FOXO3: variants seen among roughly 807,000 people sequenced by gnomAD.
The protein encoded by FOXO3 is forkhead box O3.
FOXO3 carries 4 observed loss-of-function variants against 41.9 expected under a neutral mutation model. That is an observed-to-expected ratio of 0.10 (90% CI 0.05 to 0.22). The LOEUF is 0.22. FOXO3 is among the 10% of genes least tolerant of loss of function. The pLI, the probability that FOXO3 is intolerant of heterozygous loss-of-function variation, is 1.00. For synonymous variants in FOXO3, 318 were observed against 389.3 expected (o/e 0.82, Z 2.16); for missense variants, 534 against 906.8 (o/e 0.59, Z 5.28).
At chr6:108,597,798 TC>T (rs1776927882) in intron 1 of FOXO3, among the ~76,000 whole-genome samples, 1 of 152,212 alleles carries the variant, frequency 6.6e-6, no homozygotes, top group Non-Finnish European at 1.5e-5. Context: ...CAGAGCTATT[TC>T]ATGTTTCCTC....
At chr6:108,567,070 G>A (rs1775965606) in intron 1 of FOXO3, among the ~76,000 whole-genome samples, 1 of 152,240 alleles carries the variant, frequency 6.6e-6, no homozygotes. Flanking sequence ...TTCTGATGGA[G>A]GAGACAGAAA....
intron 2 of FOXO3, among the ~76,000 whole-genome samples, chr6:108,665,764 G>A (rs138548916): frequency 4.7e-5 from 7 of 147,590 alleles, no homozygotes; most frequent in East Asian, 4.0e-4. Flanking sequence ...AGTCATGATC[G>A]TGCCACTGCA....
At position 108,677,997 on chromosome 6, in the gene FOXO3, T is replaced by G. The variant is rs183392060; in HGVS notation, c.*35-1830T>G. Among the ~76,000 whole-genome samples, 313 of 152,310 alleles carry G rather than the reference T, an allele frequency of 2.1e-3. 1 individual carries two copies. The highest frequency in any genetic ancestry group is 3.2e-3 in the Non-Finnish European group (216 of 68,038). ...GATAGACAGGAAGAAGAAAGAGGCT[T>G]CTTTTTATACTTTATTGTCCCTACC... On this transcript the variant is annotated intron_variant, in intron 2 of 2. Transcript: ENST00000406360.
intron 1 of FOXO3, among the ~76,000 whole-genome samples, chr6:108,586,738 G>T (rs923956599): frequency 6.6e-6 from 1 of 152,002 alleles, no homozygotes; most frequent in Non-Finnish European, 1.5e-5. Context: ...AGAAGGGGAT[G>T]GTTGAGGGGA....
intron 1 of FOXO3, among the ~76,000 whole-genome samples, chr6:108,655,854 C>T (rs530388942): frequency 6.6e-5 from 10 of 152,204 alleles, no homozygotes; most frequent in Non-Finnish European, 1.0e-4. Context: ...GTTCAGCAGA[C>T]GCGTATGTTA....
At chr6:108,571,955 CTT>C (rs926589307) in intron 1 of FOXO3, among the ~76,000 whole-genome samples, 2 of 152,080 alleles carry the variant, frequency 1.3e-5, no homozygotes, top group Non-Finnish European at 2.9e-5. Flanking sequence ...TACATTTTGT[CTT>C]TTTTTAATCC....
chr6:108,609,197 T>C (rs995301072), intron 1 of FOXO3, among the ~76,000 whole-genome samples: 5 of 152,218 alleles, frequency 3.3e-5, no homozygotes, highest in African/African-American at 1.2e-4. Flanking sequence ...GTAAATGGAT[T>C]ATCTCTAAGC....
intron 1 of FOXO3, among the ~76,000 whole-genome samples, chr6:108,582,731 G>C (rs1776466601): frequency 6.6e-6 from 1 of 151,880 alleles, no homozygotes; most frequent in Non-Finnish European, 1.5e-5. Context: ...TATTAAGATG[G>C]GAAAGCTGAC....
At chr6:108,630,729 C>CT (rs1238084547) in intron 1 of FOXO3, among the ~76,000 whole-genome samples, 1 of 152,122 alleles carries the variant, frequency 6.6e-6, no homozygotes, top group Non-Finnish European at 1.5e-5. Flanking sequence ...CTCTCTATAA[C>CT]TAACTCTTTG....
At chr6:108,564,166 G>A (rs1195384098) in intron 1 of FOXO3, among the ~76,000 whole-genome samples, 5 of 152,202 alleles carry the variant, frequency 3.3e-5, no homozygotes, top group Non-Finnish European at 5.9e-5. Context: ...TTTTGTTAGA[G>A]TTTTTATAAG....
chr6:108,630,481 A>G (rs1031579776), intron 1 of FOXO3, among the ~76,000 whole-genome samples: 2 of 152,158 alleles, frequency 1.3e-5, no homozygotes, highest in Admixed American at 1.3e-4. Flanking sequence ...TGAGGTGGCT[A>G]GGGTAGTATT....
At chr6:108,656,878 T>A (rs1216317124) in intron 1 of FOXO3, among the ~76,000 whole-genome samples, 5 of 152,234 alleles carry the variant, frequency 3.3e-5, no homozygotes, top group African/African-American at 9.6e-5. Context: ...AAAACGGTCT[T>A]CATTATAACA....
chr6:108,645,537 G>T (rs1185339515), intron 1 of FOXO3, among the ~76,000 whole-genome samples: 1 of 150,128 alleles, frequency 6.7e-6, no homozygotes, highest in Admixed American at 6.7e-5. Flanking sequence ...TAGCCTCTTA[G>T]CTATAAATGT....
At position 108,683,835 on chromosome 6, in the gene FOXO3, G is replaced by GA. The variant is rs1770962057; in HGVS notation, c.*4046dup. The GA allele has an allele frequency of 6.6e-6, 1 of 151,756 alleles. No individual in the cohort carries two copies. Among genetic ancestry groups the GA allele is most frequent in the Non-Finnish European group, 1.5e-5 (1 of 68,010 alleles). The allele number at this position is 151,756 out of a possible 1,614,324, so 9.4% of individuals were successfully genotyped here. A position where few individuals can be genotyped will look rare whatever the true frequency, so the allele number is the denominator to read the frequency against. ...TAAAAAAAAAAATTTTTTTTTGGTA[G>GA]AAATGCAATCACCAGTAAAGAGGTA... is the stretch of plus-strand genomic sequence containing the variant. On this transcript the variant is annotated 3_prime_UTR_variant, in exon 3 of 3. Coordinates refer to ENST00000406360, the MANE Select transcript of FOXO3 (RefSeq NM_001455.4).
rs185708827 is a variant in FOXO3, at chr6:108,597,047, G to T, written c.621+35218G>T. On this transcript the variant is annotated intron_variant, in intron 1 of 2. Coordinates refer to ENST00000406360, the MANE Select transcript of FOXO3 (RefSeq NM_001455.4). ...ACAATAAGCAGAGAAAATCCCAAAG[G>T]ACTGGAGAGAAAATTTACTCTGGAG... 2.2e-3 allele frequency among the ~76,000 whole-genome samples: 333 copies of T among 152,264 alleles called. 2 individuals carry two copies. The highest frequency in any genetic ancestry group is 2.1e-3 in the South Asian group (10 of 4,826).
At chr6:108,575,514 C>G (rs186469437) in intron 1 of FOXO3, among the ~76,000 whole-genome samples, 1 of 152,040 alleles carries the variant, frequency 6.6e-6, no homozygotes, top group Admixed American at 6.6e-5. Context: ...TCACTGAAAA[C>G]AAAACAAAAC....
At chr6:108,583,843 T>A (rs931994234) in intron 1 of FOXO3, among the ~76,000 whole-genome samples, 2 of 152,256 alleles carry the variant, frequency 1.3e-5, no homozygotes, top group Non-Finnish European at 2.9e-5. Context: ...TGAAGCAATC[T>A]GTGTGTGCTT....
At chr6:108,576,719 C>T (rs2764258) in intron 1 of FOXO3, among the ~76,000 whole-genome samples, 149,389 of 152,296 alleles carry the variant, frequency 0.98, 73,340 homozygotes, top group East Asian at 1. Context: ...ATCTCTGGGC[C>T]CCCAGTGTTT....
upstream of FOXO3, among the ~76,000 whole-genome samples, chr6:108,560,704 C>G (rs935847242): frequency 6.6e-6 from 1 of 152,240 alleles, no homozygotes; most frequent in African/African-American, 2.4e-5. Context: ...CACGCACACC[C>G]GAGCTCGGGC....
Sources: allele counts gnomAD v4.1 joint callset (sites outside exome capture counted in the v4.1 genomes callset), GRCh38; gene constraint gnomAD v4.1.1; transcripts MANE v1.5; gene names NCBI Gene and HGNC (gene_info 2026-07-23, HGNC 2026-07-21).